Variants in VAV1 observed in about 807,000 individuals in gnomAD.
VAV1 encodes the protein proto-oncogene vav.
A neutral mutation model predicts 128.1 loss-of-function variants in VAV1; 33 were observed. The ratio of observed to expected loss-of-function variants is 0.26; its 90% CI spans 0.20 to 0.34. VAV1 has a LOEUF of 0.34. VAV1 is among the 10% of genes least tolerant of loss of function. The pLI is 1.00. For synonymous variants in VAV1, 394 were observed against 409.8 expected (o/e 0.96, Z 0.47); for missense variants, 715 against 1,093.7 (o/e 0.65, Z 4.88).
chr19:6,781,366 C>T (rs1970763025), intron 1 of VAV1, among the ~76,000 whole-genome samples: 1 of 152,164 alleles, frequency 6.6e-6, no homozygotes, highest in Non-Finnish European at 1.5e-5. Flanking sequence ...AGAGGACTGG[C>T]TTCTCTGCCG....
At position 6,828,250 on chromosome 19, in the gene VAV1, T is replaced by A; in HGVS notation, c.1023+79T>A. 2 of 1,564,630 alleles carry A rather than the reference T, an allele frequency of 1.3e-6. No homozygotes were observed. The highest frequency in any genetic ancestry group is 1.7e-6 in the Non-Finnish European group (2 of 1,143,488). On this transcript the variant is annotated intron_variant, in intron 10 of 26. Coordinates refer to ENST00000602142, the MANE Select transcript of VAV1 (RefSeq NM_005428.4). The surrounding 1 kb of genome is among the most constrained non-coding windows in gnomAD (Gnocchi z 4.5). The stretch of plus-strand genomic sequence containing the variant: ...TAAAAGTGGGGACGGGGCTGGCTTC[T>A]GGGGGTTGGGTCTCTAGGACGCTCG...
chr19:6,793,269 G>A (rs920819708), intron 1 of VAV1, among the ~76,000 whole-genome samples: 1 of 152,046 alleles, frequency 6.6e-6, no homozygotes. Context: ...GGGAGGCGGA[G>A]CTTGCAGTGA....
intron 1 of VAV1, among the ~76,000 whole-genome samples, chr19:6,818,116 A>C (rs1971699613): frequency 1.3e-5 from 2 of 151,752 alleles, no homozygotes; most frequent in African/African-American, 4.8e-5. Flanking sequence ...CACCACACCC[A>C]GCTGACTTTT....
chr19:6,805,232 C>G (rs893061088), intron 1 of VAV1, among the ~76,000 whole-genome samples: 1 of 151,842 alleles, frequency 6.6e-6, no homozygotes, highest in Non-Finnish European at 1.5e-5. Flanking sequence ...CGAGACCAGC[C>G]TGGCCAACAT....
At position 6,833,212 on chromosome 19, in the gene VAV1, G is replaced by A. The variant is rs150058721; in HGVS notation, c.1537G>A (p.Ala513Thr). 1.4e-5 allele frequency: 22 copies of A among 1,608,130 alleles called. No homozygotes were observed. Among genetic ancestry groups the A allele is most frequent in the African/African-American group, 2.7e-5 (2 of 73,366 alleles). The change falls in exon 16 of 27, where the codon GCC (alanine) becomes ACC (threonine). Residue 513 changes from alanine (A) to threonine (T), a missense_variant. Physicochemically the swap from Ala to Thr is moderately conservative, Grantham distance 58. Transcript: ENST00000602142. ...ISNIYPENATANGHDFQMFSF... is the reference protein window; with the variant it reads ...ISNIYPENATTNGHDFQMFSF... ...CAACATCTATCCGGAGAATGCCACC[G>A]CCAACGGGCATGACTTCCAGATGTT...
At chr19:6,839,499 C>T (rs527789103) in intron 21 of VAV1, among the ~76,000 whole-genome samples, 1 of 151,874 alleles carries the variant, frequency 6.6e-6, no homozygotes, top group South Asian at 2.1e-4. Context: ...AACTCCTGAC[C>T]TCAAATGATC....
intron 8 of VAV1, 124 bp downstream of exon 8, chr19:6,825,530 CGAGGG>C: frequency 1.3e-6 from 1 of 754,924 alleles, no homozygotes; most frequent in East Asian, 2.7e-5. Flanking sequence ...TGTTCATGGG[CGAGGG>C]GCTGCCCATC....
intron 23 of VAV1, among the ~76,000 whole-genome samples, chr19:6,848,725 A>T (rs1027218508): frequency 4.0e-5 from 6 of 150,682 alleles, no homozygotes; most frequent in Admixed American, 1.3e-4. Flanking sequence ...TTTTTAACCA[A>T]TTTTCATATA....
intron 1 of VAV1, chr19:6,784,146 C>A: frequency 1.9e-6 from 1 of 538,012 alleles, no homozygotes; most frequent in South Asian, 2.7e-5. Flanking sequence ...CTCAGCTACT[C>A]AGGAAGTTGA....
chr19:6,832,520 T>TTTCCTCCTCCTCCCCTTCCTCTTCTTC (rs1415235230), intron 15 of VAV1, among the ~76,000 whole-genome samples: 1 of 98,182 alleles, frequency 1.0e-5, no homozygotes, highest in East Asian at 2.2e-4. Context: ...CCTCCTCCTC[T>TTTCCTCCTCCTCCCCTTCCTCTTCTTC]TTCCTCCTCC....
chr19:6,853,837 G>A (rs1418486967), intron 25 of VAV1, 110 bp from the exon 26 acceptor site: 2 of 1,404,482 alleles, frequency 1.4e-6, no homozygotes, highest in Non-Finnish European at 1.9e-6. Context: ...GCAGAAAAGA[G>A]CACTGAGGAG....
At chr19:6,786,072 C>T (rs1316685990) in intron 1 of VAV1, among the ~76,000 whole-genome samples, 1 of 152,154 alleles carries the variant, frequency 6.6e-6, no homozygotes, top group Non-Finnish European at 1.5e-5. Flanking sequence ...GCACTTAGTG[C>T]TCTCTGACCT....
intron 1 of VAV1, among the ~76,000 whole-genome samples, chr19:6,776,575 CCCACTCATCCGTCCAT>C (rs1970647733): frequency 7.0e-6 from 1 of 143,232 alleles, no homozygotes; most frequent in Admixed American, 7.0e-5. Flanking sequence ...CACTCATTCA[CCCACTCATCCGTCCAT>C]CCACTCATCC....
At chr19:6,812,346 C>T (rs904221939) in intron 1 of VAV1, among the ~76,000 whole-genome samples, 1 of 152,224 alleles carries the variant, frequency 6.6e-6, no homozygotes, top group South Asian at 2.1e-4. Context: ...TGATTAATAT[C>T]TGAGGTATTT....
chr19:6,855,802 CATCTATCT>C (rs58591070), intron 26 of VAV1, among the ~76,000 whole-genome samples: 65,343 of 149,390 alleles, frequency 0.44, 14,564 homozygotes, highest in Middle Eastern at 0.48. Context: ...TCCACCCATT[CATCTATCT>C]ATCTATCTAT....
intron 1 of VAV1, among the ~76,000 whole-genome samples, chr19:6,775,233 T>C (rs1192812520): frequency 6.6e-6 from 1 of 152,198 alleles, no homozygotes; most frequent in Non-Finnish European, 1.5e-5. Flanking sequence ...CATGAGGAAG[T>C]AGTCATGGGA....
intron 22 of VAV1, among the ~76,000 whole-genome samples, chr19:6,847,705 GA>G (rs1972558260): frequency 6.6e-6 from 1 of 151,948 alleles, no homozygotes; most frequent in Admixed American, 6.6e-5. Context: ...AATGCCTGGT[GA>G]AGCCATCGCC....
intron 22 of VAV1, among the ~76,000 whole-genome samples, chr19:6,844,063 CTT>C (rs71177123): frequency 4.7e-5 from 1 of 21,326 alleles, no homozygotes; most frequent in African/African-American, 1.2e-4. Flanking sequence ...TCTTCTTCTT[CTT>C]TTTTTTTTTT....
chr19:6,833,606 A>T lies in VAV1; in HGVS notation c.1689A>T (p.Pro563=). The T allele has an allele frequency of 6.2e-7, 1 of 1,613,880 alleles. No homozygotes were observed. Among genetic ancestry groups the T allele is most frequent in the African/African-American group, 1.3e-5 (1 of 75,030 alleles). The change falls in exon 17 of 27, where the codon CCA becomes CCT. Residue 563 remains proline, a synonymous_variant. Transcript: ENST00000602142. ...AHKECLGRVP[P]CGRHGQDFPG... ...AGGAGTGTCTGGGGAGGGTCCCTCC[A>T]TGTGGCCGACATGGGCAAGGTACGA...
Sources: allele counts gnomAD v4.1 joint callset (sites outside exome capture counted in the v4.1 genomes callset), GRCh38; gene constraint gnomAD v4.1.1; non-coding constraint Gnocchi (gnomAD v3.1); transcripts MANE v1.5; gene names NCBI Gene and HGNC (gene_info 2026-07-23, HGNC 2026-07-21).